Variants in CADM2 observed in about 807,000 individuals in gnomAD.
The protein encoded by CADM2 is cell adhesion molecule 2, also known as immunoglobulin superfamily member 4D.
In CADM2, 12 loss-of-function variants were observed where a neutral mutation model predicts 49.8. That is an observed-to-expected ratio of 0.24 (90% CI 0.15 to 0.39). The LOEUF (loss-of-function observed/expected upper bound fraction) is 0.39. Ranked by LOEUF, CADM2 falls within the 10% of genes least tolerant of loss-of-function variation. The pLI is 1.00. For missense variants in CADM2, 378 were observed against 492.3 expected, an observed-to-expected ratio of 0.77 and a Z score of 2.20; for synonymous variants, 214 against 175.4, an observed-to-expected ratio of 1.22 and a Z score of -1.74.
intron 3 of CADM2, among the ~76,000 whole-genome samples, chr3:85,810,090 G>A (rs909236669): frequency 6.6e-6 from 1 of 152,062 alleles, no homozygotes; most frequent in Non-Finnish European, 1.5e-5. Context: ...GCGACAGTAG[G>A]AGAACATCCT....
chr3:85,777,606 T>A (rs918128639), intron 2 of CADM2, among the ~76,000 whole-genome samples: 1 of 152,160 alleles, frequency 6.6e-6, no homozygotes, highest in African/African-American at 2.4e-5. Flanking sequence ...TCTCATGTTT[T>A]CCTATATTCC....
intron 1 of CADM2, among the ~76,000 whole-genome samples, chr3:85,465,949 T>C (rs1277793668): frequency 6.6e-6 from 1 of 152,184 alleles, no homozygotes; most frequent in African/African-American, 2.4e-5. Flanking sequence ...ATGAAGTGCT[T>C]GCATTTATTT....
At chr3:85,159,658 G>A (rs1348600034) in intron 1 of CADM2, among the ~76,000 whole-genome samples, 4 of 152,170 alleles carry the variant, frequency 2.6e-5, no homozygotes, top group Non-Finnish European at 5.9e-5. Context: ...AAGTGGGTCA[G>A]AGAGCAAGCT....
chr3:85,458,195 T>G (rs752317573), intron 1 of CADM2, among the ~76,000 whole-genome samples: 1 of 152,232 alleles, frequency 6.6e-6, no homozygotes, highest in Non-Finnish European at 1.5e-5. Flanking sequence ...TATAGTTATC[T>G]GTCTCTCCTG....
At chr3:85,436,967 T>C (rs993536412) in intron 1 of CADM2, among the ~76,000 whole-genome samples, 3 of 152,182 alleles carry the variant, frequency 2.0e-5, no homozygotes, top group African/African-American at 7.2e-5. Context: ...ATACAGAACA[T>C]TTTCAGTCTT....
intron 6 of CADM2, among the ~76,000 whole-genome samples, chr3:85,923,609 A>G (rs1243826485): frequency 2.0e-5 from 3 of 151,780 alleles, no homozygotes; most frequent in African/African-American, 4.8e-5. Context: ...TTGTTTCTAT[A>G]CTTCTTTTAA....
intron 1 of CADM2, among the ~76,000 whole-genome samples, chr3:85,368,676 A>T (rs2032978407): frequency 6.6e-6 from 1 of 152,044 alleles, no homozygotes; most frequent in East Asian, 1.9e-4. Flanking sequence ...GTTTTAAAAA[A>T]TTACTGTATG....
At chr3:85,349,830 G>A (rs554259553) in intron 1 of CADM2, among the ~76,000 whole-genome samples, 66 of 152,294 alleles carry the variant, frequency 4.3e-4, no homozygotes, top group Non-Finnish European at 6.6e-4. Context: ...GATTTAAGGA[G>A]GGTCTTTCGA....
Position 85,215,334 on chromosome 3 carries a change from G to A in CADM2, c.61+255666G>A, listed in dbSNP as rs181293515. Among the ~76,000 whole-genome samples, 17 of 115,706 alleles carry A rather than the reference G, an allele frequency of 1.5e-4. No individual in the cohort carries two copies. In the East Asian group the frequency reaches 4.6e-3, roughly 31 times the overall value. The allele number at this position is 115,706 out of a possible 152,430, so 75.9% of individuals were successfully genotyped here. A position where few individuals can be genotyped will look rare whatever the true frequency, so the allele number is the denominator to read the frequency against. ...CTCTGGTTAAGCTGCTGTCTAAGTT[G>A]CAACACCAAAGTTCTCTCTTTTTTA... On this transcript the variant is annotated intron_variant, in intron 1 of 9. Transcript: ENST00000383699.
intron 1 of CADM2, among the ~76,000 whole-genome samples, chr3:85,179,775 A>G (rs1456534723): frequency 1.3e-5 from 2 of 152,148 alleles, no homozygotes; most frequent in African/African-American, 4.8e-5. Context: ...AACTAAATTT[A>G]GTTTATTATT....
At chr3:85,959,046 A>ATATC (rs1303833002) in intron 7 of CADM2, among the ~76,000 whole-genome samples, 68 of 150,944 alleles carry the variant, frequency 4.5e-4, no homozygotes, top group Middle Eastern at 3.5e-3. Context: ...CTATATCTAT[A>ATATC]TATCTATATA....
At chr3:85,009,047 G>A (rs1350795469) in intron 1 of CADM2, among the ~76,000 whole-genome samples, 1 of 152,182 alleles carries the variant, frequency 6.6e-6, no homozygotes, top group Non-Finnish European at 1.5e-5. Context: ...CCTAGTGTAT[G>A]TATAGTGAGA....
At chr3:85,099,504 C>G (rs1238110847) in intron 1 of CADM2, among the ~76,000 whole-genome samples, 1 of 147,090 alleles carries the variant, frequency 6.8e-6, no homozygotes, top group Non-Finnish European at 1.5e-5. Flanking sequence ...CAGTCTCACT[C>G]TGTTGCCCAG....
chr3:85,094,832 G>T (rs1408032736), intron 1 of CADM2, among the ~76,000 whole-genome samples: 2 of 151,840 alleles, frequency 1.3e-5, no homozygotes, highest in Non-Finnish European at 2.9e-5. Context: ...TTTATCAAAT[G>T]CACTATCCAG....
At chr3:85,849,705 A>C (rs905448372) in intron 3 of CADM2, among the ~76,000 whole-genome samples, 1 of 152,062 alleles carries the variant, frequency 6.6e-6, no homozygotes, top group African/African-American at 2.4e-5. Context: ...CAAGGTAGGG[A>C]GATTATTTAT....
chr3:85,287,064 A>C (rs2043650570), intron 1 of CADM2, among the ~76,000 whole-genome samples: 1 of 152,138 alleles, frequency 6.6e-6, no homozygotes, highest in South Asian at 2.1e-4. Flanking sequence ...TTGGAGTAGC[A>C]GAAGTATAGA....
intron 8 of CADM2, chr3:85,979,029 T>C: frequency 1.1e-6 from 1 of 932,004 alleles, no homozygotes; most frequent in Non-Finnish European, 1.6e-6. Context: ...GTGACACAGT[T>C]TTGTACCTGA....
At chr3:85,940,503 A>G (rs1291780389) in intron 7 of CADM2, among the ~76,000 whole-genome samples, 1 of 152,116 alleles carries the variant, frequency 6.6e-6, no homozygotes, top group East Asian at 1.9e-4. Context: ...TATCATCTAG[A>G]GTGAAATATT....
intron 4 of CADM2, 113 bp from the exon 5 acceptor site, chr3:85,886,077 C>G: frequency 6.8e-7 from 1 of 1,471,016 alleles, no homozygotes; most frequent in Non-Finnish European, 9.1e-7. Context: ...TCATCTTGAT[C>G]GAACTTCTTG....
Sources: allele counts gnomAD v4.1 joint callset (sites outside exome capture counted in the v4.1 genomes callset), GRCh38; gene constraint gnomAD v4.1.1; transcripts MANE v1.5; gene names NCBI Gene and HGNC (gene_info 2026-07-23, HGNC 2026-07-21).